The following MEIS3 variants were observed in gnomAD, a reference collection of about 807,000 sequenced individuals.
MEIS3 encodes homeobox protein Meis3.
Under a neutral mutation model 51.4 loss-of-function variants are expected in MEIS3, and 38 were observed. The observed-to-expected ratio is 0.74, with a 90% CI of 0.57 to 0.97. MEIS3 has a LOEUF of 0.97. Among genes scored for constraint, MEIS3 ranks in the 50% least tolerant of loss-of-function variants. MEIS3 has a pLI of 0.00. For missense variants in MEIS3, 456 were observed against 502.6 expected, an observed-to-expected ratio of 0.91 and a Z score of 0.89; for synonymous variants, 198 against 201.8, an observed-to-expected ratio of 0.98 and a Z score of 0.16.
At chr19:47,421,762 T>C (rs1432323278), upstream of MEIS3, among the ~76,000 whole-genome samples, 4 of 151,196 alleles carry the variant, frequency 2.6e-5, no homozygotes, top group African/African-American at 9.8e-5. Flanking sequence ...TTTTTTTTCT[T>C]GTATCTCTGT....
In MEIS3 at chr19:47,413,457, G is replaced by A. The variant is rs148719466; in HGVS notation, c.597+1260C>T. ...GGGTGGGTCTGGCTGTGGCGTGGTC[G>A]TCATAGGAGTGTATCTGAGGTGGTG... On this transcript the variant is annotated intron_variant, in intron 6 of 12. Coordinates refer to ENST00000558555, the MANE Select transcript of MEIS3 (RefSeq NM_001301059.2). Among the ~76,000 whole-genome samples, 911 of 152,034 alleles carry A rather than the reference G, an allele frequency of 6.0e-3. 11 individuals carry two copies. Among genetic ancestry groups the A allele is most frequent in the African/African-American group, 0.02 (845 of 41,482 alleles).
chr19:47,406,317 G>A, intron 12 of MEIS3, 143 bp downstream of exon 12: 3 of 599,182 alleles, frequency 5.0e-6, no homozygotes, highest in Non-Finnish European at 9.0e-6. Flanking sequence ...ACAGATGGAT[G>A]AATATCTTCC....
At chr19:47,413,727 ATTC>A (rs1488555690) in intron 6 of MEIS3, among the ~76,000 whole-genome samples, 5 of 147,262 alleles carry the variant, frequency 3.4e-5, no homozygotes, top group Non-Finnish European at 7.5e-5. Flanking sequence ...GCTGGGTTTG[ATTC>A]TTTTTTTTTT....
chr19:47,407,002 G>C lies in MEIS3; in HGVS notation c.995-31C>G, dbSNP rs773626740. 5.1e-6 allele frequency: 8 copies of C among 1,573,718 alleles called. No individual in the cohort carries two copies. The South Asian group carries it at 8.1e-5, about 16-fold the overall frequency. ...AAGGGGGTTCAGAGGTGCAGGCTGA[G>C]CCCCAGGAAGCCCGGGACCCGGCTT... On this transcript the variant is annotated intron_variant, in intron 10 of 12. Coordinates refer to ENST00000558555, the MANE Select transcript of MEIS3 (RefSeq NM_001301059.2).
At chr19:47,417,080 A>G in intron 2 of MEIS3, 98 bp downstream of exon 2, 1 of 1,537,846 alleles carries the variant, frequency 6.5e-7, no homozygotes, top group Non-Finnish European at 8.7e-7. Flanking sequence ...AAGGAGACAG[A>G]GACTCGTACA....
upstream of MEIS3, among the ~76,000 whole-genome samples, chr19:47,420,940 A>ACTCTCTCTCTCTCTCTCT (rs71180840): frequency 1.1e-4 from 10 of 91,000 alleles, no homozygotes; most frequent in African/African-American, 4.0e-4. Context: ...ACACACACAC[A>ACTCTCTCTCTCTCTCTCT]CTCTCTCTCT....
At chr19:47,417,416 A>G (rs1599828397) in intron 1 of MEIS3, 66 bp from the exon 2 acceptor site, 1 of 1,578,860 alleles carries the variant, frequency 6.3e-7, no homozygotes, top group Non-Finnish European at 8.7e-7. Context: ...GACTCGGCTG[A>G]GGAGCTTCTC....
chr19:47,407,363 T>C lies in MEIS3; in HGVS notation c.924A>G (p.Gln308=). The change falls in exon 9 of 13, where the codon CAA becomes CAG. Residue 308 remains glutamine (Q), a synonymous_variant. Coordinates refer to ENST00000558555, the MANE Select transcript of MEIS3 (RefSeq NM_001301059.2). ...LAQDTGLTIL[Q]VNNWFINARR... is the part of the protein sequence containing the mutation. ...CCTGGGCCACTCACCAGTTGTTGAC[T>C]TGCAGGATGGTGAGCCCCGTGTCCT... 1 of 1,613,196 alleles carries C rather than the reference T, an allele frequency of 6.2e-7. No homozygotes were observed. Among genetic ancestry groups the C allele is most frequent in the Non-Finnish European group, 8.5e-7 (1 of 1,179,750 alleles).
In MEIS3 at chr19:47,416,980, G is replaced by A. The variant is rs1971458041; in HGVS notation, c.186-17C>T. 2.6e-6 allele frequency: 4 copies of A among 1,564,990 alleles called. No individual in the cohort carries two copies. Among genetic ancestry groups the A allele is most frequent in the Non-Finnish European group, 1.7e-6 (2 of 1,154,894 alleles). ...AGCGGGTGTCTGGGGAGGCAGGAAA[G>A]GAGAGAGGTTGAGGGAGAGGCTGGG... On this transcript the variant is annotated splice_polypyrimidine_tract_variant and intron_variant, in intron 2 of 12. Coordinates refer to ENST00000558555, the MANE Select transcript of MEIS3 (RefSeq NM_001301059.2).
upstream of MEIS3, among the ~76,000 whole-genome samples, chr19:47,420,759 A>G (rs113132444): frequency 2.0e-5 from 3 of 148,850 alleles, no homozygotes; most frequent in African/African-American, 7.4e-5. Flanking sequence ...GTGGGAGAGA[A>G]ATTGATTGGG....
chr19:47,406,877 G>C lies in MEIS3; in HGVS notation c.1078+11C>G, dbSNP rs753978035. The C allele has an allele frequency of 7.9e-5, 123 of 1,562,912 alleles. No homozygotes were observed. Among genetic ancestry groups the C allele is most frequent in the Non-Finnish European group, 1.0e-4 (118 of 1,157,198 alleles). On this transcript the variant is annotated intron_variant, in intron 11 of 12. Coordinates refer to ENST00000558555, the MANE Select transcript of MEIS3 (RefSeq NM_001301059.2). ...GCAGGGGCGGGGCCTAGCTAAGGGG[G>C]CGAGGCTTACCCGGAGGCCGGACGG...
chr19:47,420,906 TCTCTCA>T (rs1461321216), upstream of MEIS3, among the ~76,000 whole-genome samples: 75 of 91,738 alleles, frequency 8.2e-4, no homozygotes, highest in African/African-American at 2.7e-3. Context: ...TCTCTCTCTC[TCTCTCA>T]CACACACACA....
intron 1 of MEIS3, 198 bp from the exon 2 acceptor site, chr19:47,417,548 G>A (rs537503828): frequency 1.4e-6 from 1 of 721,634 alleles, no homozygotes; most frequent in South Asian, 1.5e-5. Context: ...GGGGAGTGAG[G>A]ACCCCGTCCA....
intron 1 of MEIS3, chr19:47,417,922 CCCA>C (rs1971539714): frequency 1.7e-6 from 1 of 577,200 alleles, no homozygotes; most frequent in African/African-American, 1.9e-5. Context: ...AATCCCCCCC[CCCA>C]CACACACATG....
In MEIS3 at chr19:47,416,975, G is replaced by A. The variant is rs1441269189; in HGVS notation, c.186-12C>T. 1.3e-6 allele frequency: 2 copies of A among 1,567,324 alleles called. No homozygotes were observed. The highest frequency in any genetic ancestry group is 1.7e-6 in the Non-Finnish European group (2 of 1,156,058). ...GGAAGAGCGGGTGTCTGGGGAGGCA[G>A]GAAAGGAGAGAGGTTGAGGGAGAGG... On this transcript the variant is annotated splice_polypyrimidine_tract_variant and intron_variant, in intron 2 of 12. Transcript: ENST00000558555.
intron 6 of MEIS3, among the ~76,000 whole-genome samples, chr19:47,413,805 G>A (rs372059927): frequency 1.1e-4 from 17 of 150,862 alleles, no homozygotes; most frequent in African/African-American, 3.7e-4. Flanking sequence ...CTGGCTGACT[G>A]CAAGCTCCAC....
upstream of MEIS3, among the ~76,000 whole-genome samples, chr19:47,420,668 G>T (rs1971675012): frequency 6.6e-6 from 1 of 151,634 alleles, no homozygotes; most frequent in African/African-American, 2.4e-5. Flanking sequence ...CCCAAAACAA[G>T]AGCAGGGGGC....
chr19:47,414,712 C>A lies in MEIS3; in HGVS notation c.597+5G>T. 2.5e-6 allele frequency: 4 copies of A among 1,589,692 alleles called. No individual in the cohort carries two copies. Among genetic ancestry groups the A allele is most frequent in the African/African-American group, 1.3e-5 (1 of 74,590 alleles). On this transcript the variant is annotated splice_donor_5th_base_variant and intron_variant, in intron 6 of 12. Coordinates refer to ENST00000558555, the MANE Select transcript of MEIS3 (RefSeq NM_001301059.2). Reference sequence around the variant, plus strand: ...GACGATGCCTGGTGCCCGTCCCGGGCCCACCTGGTCTGGGAGGCTGGGGCA... The same window carrying A: ...GACGATGCCTGGTGCCCGTCCCGGGACCACCTGGTCTGGGAGGCTGGGGCA...
chr19:47,420,337 G>T (rs1367583694), upstream of MEIS3, among the ~76,000 whole-genome samples: 2 of 152,250 alleles, frequency 1.3e-5, no homozygotes, highest in Admixed American at 6.5e-5. Context: ...TTTTTGGGGG[G>T]TGGTGCATGC....
Sources: allele counts gnomAD v4.1 joint callset (sites outside exome capture counted in the v4.1 genomes callset), GRCh38; gene constraint gnomAD v4.1.1; transcripts MANE v1.5; gene names NCBI Gene and HGNC (gene_info 2026-07-23, HGNC 2026-07-21).